The following SPIRE1 variants were observed in gnomAD, a reference collection of about 807,000 sequenced individuals.
The protein encoded by SPIRE1 is protein spire homolog 1.
In SPIRE1, 40 loss-of-function variants were observed where a neutral mutation model predicts 94.1. That is an observed-to-expected ratio of 0.43 (90% CI 0.33 to 0.55). SPIRE1 has a LOEUF of 0.55. SPIRE1 is among the 20% of genes least tolerant of loss of function. SPIRE1 has a pLI of 0.06. For synonymous variants in SPIRE1, 376 were observed against 371.7 expected (o/e 1.01, Z -0.13); for missense variants, 838 against 975.2 (o/e 0.86, Z 1.87).
At chr18:12,551,923 C>T (rs2035361809) in intron 2 of SPIRE1, among the ~76,000 whole-genome samples, 1 of 152,124 alleles carries the variant, frequency 6.6e-6, no homozygotes, top group Non-Finnish European at 1.5e-5. Context: ...TGCCACCCCT[C>T]CTCCACCTCC....
intron 1 of SPIRE1, among the ~76,000 whole-genome samples, chr18:12,648,907 A>AAG (rs2038299349): frequency 6.6e-6 from 1 of 150,986 alleles, no homozygotes. Context: ...AAAAAAAAAA[A>AAG]AAAAGAAAAA....
intron 2 of SPIRE1, among the ~76,000 whole-genome samples, chr18:12,600,082 A>G (rs1472908120): frequency 7.0e-6 from 1 of 142,656 alleles, no homozygotes; most frequent in East Asian, 2.1e-4. Flanking sequence ...TGCTGAGGGC[A>G]TTCTCCAGCC....
chr18:12,462,264 C>CTT (rs1310275793), intron 12 of SPIRE1, among the ~76,000 whole-genome samples: 1 of 152,214 alleles, frequency 6.6e-6, no homozygotes, highest in African/African-American at 2.4e-5. Context: ...TATCTCCCAT[C>CTT]TGTTATTACT....
chr18:12,452,470 C>T lies in SPIRE1; in HGVS notation c.1875+15G>A. On this transcript the variant is annotated intron_variant, in intron 15 of 16. Transcript: ENST00000409402. ...TAAAAGGAACACAAGTATAAATGAA[C>T]CAAGCTTAGCTTACCTTTTTGCAAC... 1.2e-6 allele frequency: 2 copies of T among 1,614,028 alleles called. No homozygotes were observed. Among genetic ancestry groups the T allele is most frequent in the Non-Finnish European group, 1.7e-6 (2 of 1,180,026 alleles).
intron 12 of SPIRE1, among the ~76,000 whole-genome samples, chr18:12,458,470 C>T (rs1351662265): frequency 1.3e-5 from 2 of 151,692 alleles, no homozygotes; most frequent in Non-Finnish European, 1.5e-5. Flanking sequence ...AAAAATTAGC[C>T]GGGCGTGGTG....
rs1278241784 is a variant in SPIRE1, at chr18:12,453,158, G to A, written c.1777-20C>T. 5.1e-6 allele frequency: 8 copies of A among 1,581,716 alleles called. No homozygotes were observed. The highest frequency in any genetic ancestry group is 1.2e-5 in the South Asian group (1 of 86,678). On this transcript the variant is annotated intron_variant, in intron 13 of 16. Transcript: ENST00000409402. ...GCAGAGCTAAAAAATACAAATTTAAGAGGAAAAAAAACATTGCCAACAGCA... is the reference window on the plus strand; with the variant it reads ...GCAGAGCTAAAAAATACAAATTTAAAAGGAAAAAAAACATTGCCAACAGCA...
At chr18:12,569,637 A>AG (rs1555626062) in intron 2 of SPIRE1, among the ~76,000 whole-genome samples, 4 of 25,726 alleles carry the variant, frequency 1.6e-4, no homozygotes, top group Non-Finnish European at 5.9e-4. Context: ...CAACAACAAC[A>AG]AAAAAAAAAA....
chr18:12,478,541 GGTGT>G (rs1568196024), intron 10 of SPIRE1, among the ~76,000 whole-genome samples: 4 of 115,618 alleles, frequency 3.5e-5, no homozygotes, highest in Non-Finnish European at 2.1e-5. Flanking sequence ...GTGTAGCTAG[GGTGT>G]GTGTGTGAAG....
upstream of SPIRE1, chr18:12,658,142 T>TCCAGCGCCGC (rs1332586366): frequency 3.0e-4 from 259 of 874,154 alleles, no homozygotes; most frequent in Middle Eastern, 1.0e-3. Flanking sequence ...CCTCGCGCCG[T>TCCAGCGCCGC]CCAGCGCCGC....
chr18:12,627,004 A>C (rs897124355), intron 2 of SPIRE1, among the ~76,000 whole-genome samples: 12 of 151,244 alleles, frequency 7.9e-5, no homozygotes, highest in Admixed American at 7.3e-4. Context: ...GAGAGTAATT[A>C]ATGCCTCTTA....
In SPIRE1 at chr18:12,462,630, C is replaced by T. The variant is rs193278508; in HGVS notation, c.1638+721G>A. ...AAATAACACCACTGGCCCCAAATATCACAAAACATACTAGAAAACAATGTA... is the reference window on the plus strand; with the variant it reads ...AAATAACACCACTGGCCCCAAATATTACAAAACATACTAGAAAACAATGTA... On this transcript the variant is annotated intron_variant, in intron 12 of 16. Coordinates refer to ENST00000409402, the MANE Select transcript of SPIRE1 (RefSeq NM_001128626.2). 7.9e-5 allele frequency among the ~76,000 whole-genome samples: 12 copies of T among 152,282 alleles called. No homozygotes were observed. The East Asian group carries it at 2.1e-3, about 27-fold the overall frequency.
intron 2 of SPIRE1, among the ~76,000 whole-genome samples, chr18:12,573,586 G>A (rs1285632228): frequency 6.6e-6 from 1 of 152,086 alleles, no homozygotes; most frequent in Non-Finnish European, 1.5e-5. Flanking sequence ...ACAAACTGTG[G>A]TAAATCCAGA....
chr18:12,461,731 G>C (rs1806531405), intron 12 of SPIRE1, among the ~76,000 whole-genome samples: 1 of 152,054 alleles, frequency 6.6e-6, no homozygotes, highest in South Asian at 2.1e-4. Flanking sequence ...AGGCTCAAGG[G>C]ATCTTCCCTC....
intron 12 of SPIRE1, among the ~76,000 whole-genome samples, chr18:12,455,649 T>C (rs545927686): frequency 6.6e-6 from 1 of 152,262 alleles, no homozygotes; most frequent in Admixed American, 6.5e-5. Flanking sequence ...CCGCACTTGA[T>C]TGGTGGATCT....
At chr18:12,501,777 A>G (rs1304789662) in intron 6 of SPIRE1, among the ~76,000 whole-genome samples, 1 of 152,184 alleles carries the variant, frequency 6.6e-6, no homozygotes, top group African/African-American at 2.4e-5. Flanking sequence ...CCTGGGCAAC[A>G]TAGCAAGAAC....
At chr18:12,623,184 C>T (rs1174075681) in intron 2 of SPIRE1, among the ~76,000 whole-genome samples, 4 of 151,766 alleles carry the variant, frequency 2.6e-5, no homozygotes, top group East Asian at 1.9e-4. Flanking sequence ...GACAGAGTCT[C>T]GCTCTGTTGC....
At chr18:12,499,773 C>G (rs1423151618) in intron 6 of SPIRE1, among the ~76,000 whole-genome samples, 1 of 152,090 alleles carries the variant, frequency 6.6e-6, no homozygotes, top group African/African-American at 2.4e-5. Flanking sequence ...ACCTTTTGTG[C>G]ATCAAAGGAC....
At chr18:12,579,200 TACACACACAC>T (rs60826359) in intron 2 of SPIRE1, among the ~76,000 whole-genome samples, 33 of 119,108 alleles carry the variant, frequency 2.8e-4, no homozygotes, top group Admixed American at 1.6e-3. Context: ...CACACACACA[TACACACACAC>T]ACACACACAC....
chr18:12,606,304 C>T lies in SPIRE1; in HGVS notation c.372+28758G>A, dbSNP rs1044560098. ...ACATACAACCCAGTGCCTAAAACAA[C>T]TGTCTGGCACATTAAGTTCTCTCTT... On this transcript the variant is annotated intron_variant, in intron 2 of 16. Transcript: ENST00000409402. Among the ~76,000 whole-genome samples the T allele has an allele frequency of 2.6e-5, 4 of 151,838 alleles. No homozygotes were observed. In the South Asian group the frequency reaches 6.2e-4, roughly 24 times the overall value.
Sources: allele counts gnomAD v4.1 joint callset (sites outside exome capture counted in the v4.1 genomes callset), GRCh38; gene constraint gnomAD v4.1.1; transcripts MANE v1.5; gene names NCBI Gene and HGNC (gene_info 2026-07-23, HGNC 2026-07-21).